Variants in HIRA observed in about 807,000 individuals in gnomAD.
HIRA encodes the protein protein HIRA.
HIRA carries 13 observed loss-of-function variants against 126.6 expected under a neutral mutation model. The ratio of observed to expected loss-of-function variants is 0.10; its 90% CI spans 0.07 to 0.16. HIRA has a LOEUF of 0.16. HIRA is among the 10% of genes least tolerant of loss of function. The pLI is 1.00. For synonymous variants in HIRA, 511 were observed against 520.0 expected (o/e 0.98, Z 0.24); for missense variants, 834 against 1,314.4 (o/e 0.63, Z 5.65).
intron 1 of HIRA, among the ~76,000 whole-genome samples, chr22:19,430,700 G>A (rs1006004154): frequency 1.3e-5 from 2 of 152,126 alleles, no homozygotes; most frequent in African/African-American, 2.4e-5. Flanking sequence ...TCCTGCAGCA[G>A]TTCTGCCAAC....
chr22:19,369,697 C>T (rs1019756117), intron 15 of HIRA, among the ~76,000 whole-genome samples: 3 of 152,046 alleles, frequency 2.0e-5, no homozygotes, highest in Non-Finnish European at 2.9e-5. Flanking sequence ...ACTGGGAGGC[C>T]GAGGTGGGCG....
chr22:19,354,073 G>A lies in HIRA; in HGVS notation c.2607C>T (p.Asp869=), dbSNP rs782639839. ...DKQDSLAQCA[D]FRSSLPSQDA... ...CCTGGGATGGCAGGCTGCTCCTAAA[G>A]TCTGCACACTGAGCCAGTGAGTCCT... The change falls in exon 22 of 25, where the codon GAC becomes GAT. Residue 869 remains aspartate (D), a synonymous_variant. Transcript: ENST00000263208. 2 of 1,613,310 alleles carry A rather than the reference G, an allele frequency of 1.2e-6. No homozygotes were observed. Among genetic ancestry groups the A allele is most frequent in the Non-Finnish European group, 1.7e-6 (2 of 1,179,702 alleles).
intron 1 of HIRA, among the ~76,000 whole-genome samples, chr22:19,422,185 CACACACACATACACAT>C (rs1336376661): frequency 1.5e-5 from 2 of 130,974 alleles, no homozygotes; most frequent in Admixed American, 7.3e-5. Flanking sequence ...CACACACACA[CACACACACATACACAT>C]ATATATATAT....
At chr22:19,371,614 T>C (rs765873423) in intron 15 of HIRA, among the ~76,000 whole-genome samples, 1 of 145,522 alleles carries the variant, frequency 6.9e-6, no homozygotes, top group African/African-American at 2.8e-5. Flanking sequence ...TCTGTACCCA[T>C]TGGTACTCAC....
In HIRA at chr22:19,356,224, C is replaced by T; in HGVS notation, c.2455+6G>A. 6.2e-7 allele frequency: 1 copy of T among 1,613,116 alleles called. No homozygotes were observed. Among genetic ancestry groups the T allele is most frequent in the Non-Finnish European group, 8.5e-7 (1 of 1,179,060 alleles). ...AAGAGTAGGGACAGCCTGTTGCCTG[C>T]ATTACCTGCCAGGATGGAGTGTAGA... On this transcript the variant is annotated splice_donor_region_variant and intron_variant, in intron 20 of 24. Transcript: ENST00000263208.
At chr22:19,422,189 CACACATACACATATAT>C (rs1480547295) in intron 1 of HIRA, among the ~76,000 whole-genome samples, 1 of 130,658 alleles carries the variant, frequency 7.7e-6, no homozygotes, top group Non-Finnish European at 1.5e-5. Flanking sequence ...CACACACACA[CACACATACACATATAT>C]ATATATACAT....
Position 19,351,500 on chromosome 22 carries a change from GA to G in HIRA, c.2849-55del. 1 of 1,247,102 alleles carries G rather than the reference GA, an allele frequency of 8.0e-7. No individual in the cohort carries two copies. Among genetic ancestry groups the G allele is most frequent in the Non-Finnish European group, 1.2e-6 (1 of 855,960 alleles). 77.3% of individuals were successfully genotyped at this position (1,247,102 alleles called of 1,614,324 possible). A position where few individuals can be genotyped will look rare whatever the true frequency, so the allele number is the denominator to read the frequency against. On this transcript the variant is annotated intron_variant, in intron 23 of 24. Coordinates refer to ENST00000263208, the MANE Select transcript of HIRA (RefSeq NM_003325.4). The surrounding 1 kb of genome is among the most constrained non-coding windows in gnomAD (Gnocchi z 4.8). ...ACAACAAAAAACAAAACAGAAATAG[GA>G]ACACATTACAAAAAGAAATAAAATC...
At chr22:19,336,024 T>C (rs1256171642) in intron 24 of HIRA, among the ~76,000 whole-genome samples, 3 of 152,218 alleles carry the variant, frequency 2.0e-5, no homozygotes, top group African/African-American at 7.2e-5. Flanking sequence ...ATAGGCTATG[T>C]ACATCCTTTG....
chr22:19,416,882 T>C (rs1342358186), intron 1 of HIRA, among the ~76,000 whole-genome samples: 1 of 152,132 alleles, frequency 6.6e-6, no homozygotes, highest in Non-Finnish European at 1.5e-5. Context: ...GCAAATAACT[T>C]GAACAGGCAT....
chr22:19,354,737 A>G (rs1556011972), intron 21 of HIRA, among the ~76,000 whole-genome samples: 1 of 152,062 alleles, frequency 6.6e-6, no homozygotes, highest in Non-Finnish European at 1.5e-5. Context: ...ATAATAGACA[A>G]CATTTTGCAA....
chr22:19,417,154 C>G (rs2089405022), intron 1 of HIRA, among the ~76,000 whole-genome samples: 1 of 151,906 alleles, frequency 6.6e-6, no homozygotes, highest in African/African-American at 2.4e-5. Context: ...GAGCTGAGAT[C>G]GTGCCATTGC....
chr22:19,413,774 G>C (rs920446772), intron 1 of HIRA, among the ~76,000 whole-genome samples: 3 of 151,924 alleles, frequency 2.0e-5, no homozygotes, highest in African/African-American at 7.3e-5. Context: ...ACCACGCCCA[G>C]CTAATTTTGG....
In HIRA at chr22:19,356,919, C is replaced by T. The variant is rs781901766; in HGVS notation, c.2367G>A (p.Ala789=). 2.0e-5 allele frequency: 32 copies of T among 1,613,710 alleles called. No homozygotes were observed. The highest frequency in any genetic ancestry group is 6.7e-5 in the African/African-American group (5 of 74,910). ...TLHCTGSYVM[A]LTAAATLSVW... ...CAGAGAGTGTGGCTGCAGCGGTGAG[C>T]GCCATGACGTAGGAGCCTGTGCAAT... is the stretch of plus-strand genomic sequence containing the variant. Residue 789 remains alanine, a synonymous_variant, in exon 19 of 25, where the codon GCG becomes GCA. Transcript: ENST00000263208.
In HIRA at chr22:19,355,789, C is replaced by T. The variant is rs782354381; in HGVS notation, c.2532G>A (p.Ala844=). ...TGGAAAGTGACGGATTAAAGCAGTA[C>T]GCCTTCCCATCGGACAGGTTCATTA... The part of the protein sequence containing the change: ...IPVMNLSDGK[A]YCFNPSLSTW... The change falls in exon 21 of 25, where the codon GCG becomes GCA. Residue 844 remains alanine (A), a synonymous_variant. Transcript: ENST00000263208. The T allele has an allele frequency of 4.0e-5, 64 of 1,613,560 alleles. No individual in the cohort carries two copies. Among genetic ancestry groups the T allele is most frequent in the Non-Finnish European group, 4.8e-5 (57 of 1,179,616 alleles).
Position 19,331,408 on chromosome 22 carries a change from C to T in HIRA, c.*32G>A. Reference sequence around the variant, plus strand: ...CATCAGCGGCGAGAGTGTGGCCCTGCCCTTGCTGCAGCCAGGGCAGGCTGG... The same window carrying T: ...CATCAGCGGCGAGAGTGTGGCCCTGTCCTTGCTGCAGCCAGGGCAGGCTGG... On this transcript the variant is annotated 3_prime_UTR_variant, in exon 25 of 25. Coordinates refer to ENST00000263208, the MANE Select transcript of HIRA (RefSeq NM_003325.4). 1.2e-6 allele frequency: 2 copies of T among 1,613,206 alleles called. No homozygotes were observed. Among genetic ancestry groups the T allele is most frequent in the Non-Finnish European group, 1.7e-6 (2 of 1,179,900 alleles).
rs149520400 is a variant in HIRA at position 19,430,621 on chromosome 22, C to T, written c.37+819G>A. Among the ~76,000 whole-genome samples the T allele has an allele frequency of 1.6e-3, 234 of 142,702 alleles. 4 individuals carry two copies. Among genetic ancestry groups the T allele is most frequent in the Admixed American group, 0.014 (181 of 13,396 alleles). 93.6% of individuals were successfully genotyped at this position (142,702 alleles called of 152,430 possible). On this transcript the variant is annotated intron_variant, in intron 1 of 24. Coordinates refer to ENST00000263208, the MANE Select transcript of HIRA (RefSeq NM_003325.4). ...CTGGGTTGATTTCTGTGCTACAGTG[C>T]TGTCAGCAGAGTGGGGTGGGGGAGG...
At chr22:19,397,158 A>G (rs2089230671) in intron 6 of HIRA, among the ~76,000 whole-genome samples, 1 of 152,222 alleles carries the variant, frequency 6.6e-6, no homozygotes. Flanking sequence ...GGCAGGCACC[A>G]AGGGGCTAGT....
At chr22:19,431,316 T>C in intron 1 of HIRA, 124 bp downstream of exon 1, 1 of 1,118,696 alleles carries the variant, frequency 8.9e-7, no homozygotes, top group Non-Finnish European at 1.3e-6. Flanking sequence ...GCCGGCTTCT[T>C]GGCTTGGGCA....
chr22:19,355,967 C>A, intron 20 of HIRA, 102 bp from the exon 21 acceptor site: 1 of 831,378 alleles, frequency 1.2e-6, no homozygotes. Context: ...ACAGTCCCAG[C>A]AGCAAATGCA....
Sources: gnomAD v4.1 joint callset for allele counts (sites outside exome capture counted in the v4.1 genomes callset) on GRCh38, gnomAD v4.1.1 for gene constraint, Gnocchi (gnomAD v3.1) non-coding constraint, MANE v1.5 for transcripts, NCBI Gene and HGNC (gene_info 2026-07-23, HGNC 2026-07-21) for gene names.